PTPRD: variants seen among roughly 807,000 people sequenced by gnomAD.
The protein encoded by PTPRD is receptor-type tyrosine-protein phosphatase delta.
PTPRD carries 34 observed loss-of-function variants against 214.5 expected under a neutral mutation model. That is an observed-to-expected ratio of 0.16 (90% CI 0.12 to 0.21). PTPRD has a LOEUF of 0.21. Ranked by LOEUF, PTPRD falls within the 10% of genes least tolerant of loss-of-function variation. The probability of loss-of-function intolerance (pLI) is 1.00; values close to 1 mark genes in which losing one functional copy is unlikely to be tolerated. For missense variants in PTPRD, 2,545 were observed against 2,398.7 expected (o/e 1.06, Z -1.27); for synonymous variants, 1,128 against 845.7 (o/e 1.33, Z -5.79).
intron 11 of PTPRD, among the ~76,000 whole-genome samples, chr9:8,914,381 C>G (rs555614705): frequency 2.0e-5 from 3 of 152,024 alleles, no homozygotes; most frequent in Non-Finnish European, 4.4e-5. Context: ...GCCATTTGAA[C>G]TTTTAAACAG....
At chr9:8,861,561 T>C (rs2098106612) in intron 11 of PTPRD, 1 of 152,160 alleles carries the variant, frequency 6.6e-6, no homozygotes, top group South Asian at 2.1e-4. Context: ...ATTATATAAG[T>C]GAGGAAACAG....
intron 10 of PTPRD, among the ~76,000 whole-genome samples, chr9:9,116,899 C>T (rs1591884374): frequency 6.6e-6 from 1 of 152,240 alleles, no homozygotes; most frequent in East Asian, 1.9e-4. Context: ...ATTGTTTTCT[C>T]ACTATTGGCT....
intron 3 of PTPRD, among the ~76,000 whole-genome samples, chr9:10,107,612 A>G (rs1307077676): frequency 6.6e-6 from 1 of 152,114 alleles, no homozygotes; most frequent in Non-Finnish European, 1.5e-5. Flanking sequence ...TAATGCATGT[A>G]ATAGTACCTG....
At chr9:8,443,553 C>T (rs2095620038) in intron 34 of PTPRD, among the ~76,000 whole-genome samples, 1 of 152,170 alleles carries the variant, frequency 6.6e-6, no homozygotes, top group African/African-American at 2.4e-5. Context: ...TAGGGCAAAA[C>T]ATATTAAGGT....
intron 8 of PTPRD, among the ~76,000 whole-genome samples, chr9:9,437,841 G>C (rs949190185): frequency 2.0e-5 from 3 of 152,070 alleles, no homozygotes; most frequent in African/African-American, 7.2e-5. Flanking sequence ...AGTCAACAAA[G>C]GTTTAATTGT....
At chr9:10,249,196 T>C (rs765276123) in intron 3 of PTPRD, among the ~76,000 whole-genome samples, 5 of 152,010 alleles carry the variant, frequency 3.3e-5, no homozygotes, top group African/African-American at 1.2e-4. Flanking sequence ...GGGAAGGAGA[T>C]AGAAAAAAAA....
intron 7 of PTPRD, among the ~76,000 whole-genome samples, chr9:9,675,006 A>G (rs1292027122): frequency 1.3e-5 from 2 of 151,898 alleles, no homozygotes; most frequent in African/African-American, 2.4e-5. Flanking sequence ...AATTCTAGAT[A>G]ACAACTAAAG....
chr9:8,471,218 T>C (rs1275950485), intron 30 of PTPRD, 133 bp from the exon 31 acceptor site: 2 of 695,282 alleles, frequency 2.9e-6, no homozygotes, highest in African/African-American at 1.8e-5. Flanking sequence ...ATTTCTTACA[T>C]CAATGACAAA....
chr9:9,085,255 T>C (rs1373514277), intron 10 of PTPRD, among the ~76,000 whole-genome samples: 1 of 152,182 alleles, frequency 6.6e-6, no homozygotes, highest in East Asian at 1.9e-4. Context: ...CTTTTAATTA[T>C]TTTATAACTA....
intron 11 of PTPRD, among the ~76,000 whole-genome samples, chr9:8,743,123 G>GGA (rs2092306269): frequency 6.9e-6 from 1 of 145,772 alleles, no homozygotes; most frequent in Admixed American, 6.9e-5. Flanking sequence ...AAGGGGGGGG[G>GGA]GACTTTTAAG....
rs150995214 is a variant in PTPRD, at chr9:8,739,443, C to T, written c.-103-5497G>A. ...TTGACCACTTTAAACGTAGCTAGTG[C>T]GACTGAGGAAGTAAAGTTTTTATCT... On this transcript the variant is annotated intron_variant, in intron 11 of 45. Transcript: ENST00000381196. 3.5e-4 allele frequency among the ~76,000 whole-genome samples: 54 copies of T among 152,280 alleles called. No individual in the cohort carries two copies. In the Middle Eastern group the frequency reaches 0.01, roughly 29 times the overall value.
chr9:8,611,439 T>G (rs1470973788), intron 14 of PTPRD, among the ~76,000 whole-genome samples: 1 of 152,104 alleles, frequency 6.6e-6, no homozygotes, highest in African/African-American at 2.4e-5. Flanking sequence ...GCGTAGTGGC[T>G]CACACCTGTA....
intron 3 of PTPRD, among the ~76,000 whole-genome samples, chr9:10,160,134 T>C (rs2099118716): frequency 6.6e-6 from 1 of 151,940 alleles, no homozygotes. Context: ...TGAAAATGAA[T>C]GGGTAGAGAA....
At position 9,542,945 on chromosome 9, in the gene PTPRD, C is replaced by T. The variant is rs1299345756; in HGVS notation, c.-237+31787G>A. On this transcript the variant is annotated intron_variant, in intron 8 of 45. Coordinates refer to ENST00000381196, the MANE Select transcript of PTPRD (RefSeq NM_002839.4). ...TAAAGCTAAACATAACCCTACTCAG[C>T]GTTTTCTAGCAATTCCAGTAATTCT... Among the ~76,000 whole-genome samples the T allele has an allele frequency of 3.3e-5, 5 of 151,716 alleles. No individual in the cohort carries two copies. The South Asian group carries it at 6.2e-4, about 19-fold the overall frequency.
chr9:9,179,775 G>C (rs1351049906), intron 10 of PTPRD, among the ~76,000 whole-genome samples: 1 of 151,952 alleles, frequency 6.6e-6, no homozygotes, highest in East Asian at 1.9e-4. Context: ...ATAAAATAAT[G>C]AATGAGGTCT....
At chr9:8,848,829 C>A (rs771406960) in intron 11 of PTPRD, among the ~76,000 whole-genome samples, 1 of 125,984 alleles carries the variant, frequency 7.9e-6, no homozygotes, top group Non-Finnish European at 1.8e-5. Flanking sequence ...ATTACTTAAT[C>A]TCTCCATGGA....
chr9:10,081,790 A>C (rs1590624809), intron 3 of PTPRD, among the ~76,000 whole-genome samples: 1 of 152,102 alleles, frequency 6.6e-6, no homozygotes, highest in African/African-American at 2.4e-5. Flanking sequence ...TGGAGTTTCT[A>C]AATCCACCAA....
chr9:8,718,051 G>C (rs1467060411), intron 12 of PTPRD, among the ~76,000 whole-genome samples: 3 of 152,184 alleles, frequency 2.0e-5, no homozygotes, highest in Non-Finnish European at 4.4e-5. Context: ...AGCAGAAAAA[G>C]ATGGACCTGG....
intron 9 of PTPRD, among the ~76,000 whole-genome samples, chr9:9,183,601 T>C (rs867941767): frequency 1.3e-5 from 2 of 152,136 alleles, no homozygotes; most frequent in Admixed American, 6.6e-5. Flanking sequence ...AAGCAGAATA[T>C]TGACTATTCT....
Sources: allele counts gnomAD v4.1 joint callset (sites outside exome capture counted in the v4.1 genomes callset), GRCh38; gene constraint gnomAD v4.1.1; transcripts MANE v1.5; gene names NCBI Gene and HGNC (gene_info 2026-07-23, HGNC 2026-07-21).